Variants in FSIP1 observed in about 807,000 individuals in gnomAD.
FSIP1 encodes the protein fibrous sheath interacting protein 1.
Under a neutral mutation model 60.9 loss-of-function variants are expected in FSIP1, and 65 were observed. The observed-to-expected ratio is 1.07, with a 90% CI of 0.87 to 1.31. FSIP1 has a LOEUF of 1.31. Among genes scored for constraint, FSIP1 ranks in the 40% most tolerant of loss-of-function variants. The pLI is 0.00. For missense variants in FSIP1, 675 were observed against 665.5 expected (o/e 1.01, Z -0.16); for synonymous variants, 209 against 221.2 (o/e 0.94, Z 0.49).
chr15:39,739,863 T>C (rs1334881960), intron 6 of FSIP1, 74 bp from the exon 7 acceptor site: 2 of 859,930 alleles, frequency 2.3e-6, no homozygotes, highest in Non-Finnish European at 1.7e-6. Flanking sequence ...TTTAAGCATA[T>C]ATTAAAATAT....
At chr15:39,746,743 G>A (rs1897007126) in intron 5 of FSIP1, among the ~76,000 whole-genome samples, 1 of 152,030 alleles carries the variant, frequency 6.6e-6, no homozygotes, top group Non-Finnish European at 1.5e-5. Context: ...CAAAATATAT[G>A]ACATTTGTGA....
chr15:39,771,993 T>C (rs959285051), intron 2 of FSIP1, among the ~76,000 whole-genome samples: 2 of 152,160 alleles, frequency 1.3e-5, no homozygotes, highest in African/African-American at 2.4e-5. Flanking sequence ...ATAAAGAATA[T>C]ACAAAACATA....
chr15:39,771,566 C>G (rs548210797), intron 2 of FSIP1, among the ~76,000 whole-genome samples: 2 of 152,180 alleles, frequency 1.3e-5, no homozygotes, highest in South Asian at 4.1e-4. Context: ...ACTGAGCTGA[C>G]TCAGTGGTAA....
chr15:39,776,989 G>A (rs546771074), intron 1 of FSIP1, among the ~76,000 whole-genome samples: 23 of 151,912 alleles, frequency 1.5e-4, no homozygotes, highest in Non-Finnish European at 2.6e-4. Flanking sequence ...GCAGTGTCGC[G>A]ATCTTGGCTC....
intron 10 of FSIP1, among the ~76,000 whole-genome samples, chr15:39,666,526 T>C (rs1240258989): frequency 6.6e-6 from 1 of 152,208 alleles, no homozygotes; most frequent in Non-Finnish European, 1.5e-5. Context: ...TAAATATTCA[T>C]ATGGAAAGCT....
intron 10 of FSIP1, among the ~76,000 whole-genome samples, chr15:39,699,195 A>G (rs1894954875): frequency 6.6e-6 from 1 of 152,232 alleles, no homozygotes; most frequent in Admixed American, 6.5e-5. Flanking sequence ...GTTACAAGGG[A>G]GTCTGAGACA....
chr15:39,752,606 CA>C (rs1467648489), intron 5 of FSIP1, among the ~76,000 whole-genome samples: 1 of 151,894 alleles, frequency 6.6e-6, no homozygotes, highest in Non-Finnish European at 1.5e-5. Flanking sequence ...GGACATTCTA[CA>C]AAATACCTGA....
At chr15:39,634,124 C>T (rs1211416464) in intron 10 of FSIP1, among the ~76,000 whole-genome samples, 1 of 152,162 alleles carries the variant, frequency 6.6e-6, no homozygotes, top group African/African-American at 2.4e-5. Flanking sequence ...AAGGTCATCG[C>T]TTTGGCAATC....
chr15:39,643,658 G>A (rs961846504), intron 10 of FSIP1, among the ~76,000 whole-genome samples: 1 of 152,126 alleles, frequency 6.6e-6, no homozygotes, highest in African/African-American at 2.4e-5. Flanking sequence ...GATATATCTG[G>A]GGAAATTGAG....
intron 10 of FSIP1, among the ~76,000 whole-genome samples, chr15:39,685,152 A>G (rs1266221918): frequency 6.6e-6 from 1 of 152,188 alleles, no homozygotes; most frequent in Non-Finnish European, 1.5e-5. Flanking sequence ...AAATTCCAAG[A>G]GCATCTTTAG....
At chr15:39,614,675 A>G (rs972742665) in intron 11 of FSIP1, among the ~76,000 whole-genome samples, 2 of 151,858 alleles carry the variant, frequency 1.3e-5, no homozygotes, top group African/African-American at 4.8e-5. Flanking sequence ...AAGATGTACC[A>G]TATTCATGGA....
At chr15:39,614,169 T>C (rs191702703) in intron 11 of FSIP1, among the ~76,000 whole-genome samples, 368 of 151,582 alleles carry the variant, frequency 2.4e-3, no homozygotes, top group African/African-American at 8.6e-3. Context: ...ATCTTGTATA[T>C]AGAAAATGCT....
At chr15:39,766,827 G>A (rs974293155) in intron 3 of FSIP1, among the ~76,000 whole-genome samples, 3 of 152,078 alleles carry the variant, frequency 2.0e-5, no homozygotes, top group Non-Finnish European at 2.9e-5. Flanking sequence ...TCTATAATGT[G>A]CATCACTTCT....
intron 10 of FSIP1, among the ~76,000 whole-genome samples, chr15:39,654,361 T>C (rs11636953): frequency 0.02 from 3,026 of 152,358 alleles, 40 homozygotes; most frequent in Non-Finnish European, 0.032. Flanking sequence ...TGTTGTGCTG[T>C]GATGTTACAA....
intron 10 of FSIP1, among the ~76,000 whole-genome samples, chr15:39,633,390 G>C (rs964748001): frequency 1.3e-5 from 2 of 151,964 alleles, no homozygotes; most frequent in African/African-American, 4.8e-5. Context: ...ACTCGGCCTG[G>C]CTATACTTTT....
In FSIP1 at chr15:39,631,311, C is replaced by T. The variant is rs138297891; in HGVS notation, c.1189-13066G>A. The stretch of plus-strand genomic sequence containing the variant: ...CCGATGTCTTGTTCCTTCCAGAGCG[C>T]GCACTCCCCACATGACTTTGTATGA... On this transcript the variant is annotated intron_variant, in intron 10 of 11. Coordinates refer to ENST00000350221, the MANE Select transcript of FSIP1 (RefSeq NM_152597.5). Among the ~76,000 whole-genome samples, 152 of 152,166 alleles carry T rather than the reference C, an allele frequency of 1.0e-3. No individual in the cohort carries two copies. The Middle Eastern group carries it at 0.014, about 14-fold the overall frequency.
chr15:39,665,136 T>C (rs1181857565), intron 10 of FSIP1, among the ~76,000 whole-genome samples: 1 of 152,188 alleles, frequency 6.6e-6, no homozygotes, highest in African/African-American at 2.4e-5. Context: ...CCAGGGAAAA[T>C]TAATTACTAC....
intron 5 of FSIP1, among the ~76,000 whole-genome samples, chr15:39,746,418 A>T (rs1896995709): frequency 6.6e-6 from 1 of 152,242 alleles, no homozygotes; most frequent in Non-Finnish European, 1.5e-5. Flanking sequence ...ACTTCTTTCT[A>T]CATCTCTTCA....
intron 2 of FSIP1, 96 bp from the exon 3 acceptor site, chr15:39,770,706 G>T: frequency 1.4e-6 from 1 of 713,848 alleles, no homozygotes. Context: ...GGAAGCAGAT[G>T]GAGAATGTAC....
Sources: gnomAD v4.1 joint callset for allele counts (sites outside exome capture counted in the v4.1 genomes callset) on GRCh38, gnomAD v4.1.1 for gene constraint, MANE v1.5 for transcripts, NCBI Gene and HGNC (gene_info 2026-07-23, HGNC 2026-07-21) for gene names.